Variants in TSHR observed in about 807,000 individuals in gnomAD.
The protein encoded by TSHR is thyrotropin receptor.
Under a neutral mutation model 64.1 loss-of-function variants are expected in TSHR, and 51 were observed. The ratio of observed to expected loss-of-function variants is 0.80; its 90% CI spans 0.64 to 1.01. TSHR has a LOEUF of 1.01. Ranked by LOEUF, TSHR falls within the 50% of genes least tolerant of loss-of-function variation. The pLI, the probability that TSHR is intolerant of heterozygous loss-of-function variation, is 0.00. For synonymous variants in TSHR, 361 were observed against 361.9 expected (o/e 1.00, Z 0.03); for missense variants, 877 against 942.8 (o/e 0.93, Z 0.91).
intron 3 of TSHR, among the ~76,000 whole-genome samples, chr14:81,078,213 T>C (rs376081780): frequency 3.3e-4 from 50 of 152,360 alleles, no homozygotes; most frequent in African/African-American, 1.1e-3. Context: ...ACTGTGGTTC[T>C]ACTGGCAGCA....
intron 9 of TSHR, among the ~76,000 whole-genome samples, chr14:81,141,363 G>C (rs733236): frequency 0.33 from 49,762 of 152,102 alleles, 8,593 homozygotes; most frequent in African/African-American, 0.45. Flanking sequence ...GACATTTTAA[G>C]CAGAACCCAA....
At chr14:81,033,234 C>A in intron 1 of TSHR, 1 of 472,996 alleles carries the variant, frequency 2.1e-6, no homozygotes, top group Non-Finnish European at 4.2e-6. Flanking sequence ...TCAGAAGGGG[C>A]CAGAGCATCC....
chr14:80,967,283 ATTTTTTT>A (rs35619720), intron 1 of TSHR, among the ~76,000 whole-genome samples: 3 of 111,870 alleles, frequency 2.7e-5, no homozygotes, highest in Non-Finnish European at 1.8e-5. Flanking sequence ...CCTGACTTAC[ATTTTTTT>A]TTTTTTTTTT....
At chr14:81,007,479 T>C (rs8008523) in intron 1 of TSHR, among the ~76,000 whole-genome samples, 16,216 of 152,150 alleles carry the variant, frequency 0.11, 2,822 homozygotes, top group African/African-American at 0.37. Flanking sequence ...TTCTCATTAA[T>C]AGACTGGGGT....
intron 1 of TSHR, chr14:80,982,110 G>A (rs1489763480): frequency 1.1e-5 from 6 of 556,282 alleles, no homozygotes; most frequent in Non-Finnish European, 1.7e-5. Context: ...CAATACCTGG[G>A]CCAAAGCAAA....
chr14:81,119,622 A>G (rs371570652), intron 8 of TSHR, among the ~76,000 whole-genome samples: 846 of 102,194 alleles, frequency 8.3e-3, no homozygotes, highest in East Asian at 0.014. Context: ...TCAGTGTGGC[A>G]ATTCCTCAGG....
At chr14:81,053,721 G>A (rs922466701) in intron 1 of TSHR, 4 of 152,134 alleles carry the variant, frequency 2.6e-5, no homozygotes, top group African/African-American at 9.7e-5. Context: ...ATTTACCCAA[G>A]AGCAATGAGT....
intron 1 of TSHR, among the ~76,000 whole-genome samples, chr14:81,056,114 C>A (rs543258524): frequency 6.6e-6 from 1 of 152,204 alleles, no homozygotes; most frequent in East Asian, 1.9e-4. Flanking sequence ...CTCATGAAAT[C>A]CGATGATTTT....
At chr14:81,104,329 G>C (rs764156457) in intron 7 of TSHR, 48 of 985,292 alleles carry the variant, frequency 4.9e-5, no homozygotes, top group Non-Finnish European at 5.5e-5. Flanking sequence ...GTTCCCATGA[G>C]AGTCTCACAA....
At chr14:81,141,965 T>C (rs1029869772) in intron 9 of TSHR, among the ~76,000 whole-genome samples, 1 of 152,200 alleles carries the variant, frequency 6.6e-6, no homozygotes, top group Non-Finnish European at 1.5e-5. Flanking sequence ...AATAACCCTA[T>C]ATGAAATAGT....
intron 2 of TSHR, among the ~76,000 whole-genome samples, chr14:81,063,077 C>A (rs1346916866): frequency 2.0e-5 from 3 of 152,106 alleles, no homozygotes; most frequent in Admixed American, 2.0e-4. Context: ...ATAGGACAGT[C>A]CCCACAACAG....
rs1889736681 is a variant in TSHR at position 81,103,919 on chromosome 14, C to G, written c.615-4456C>G. The stretch of plus-strand genomic sequence containing the variant: ...ACCATTTTGATATGCTAAGAGCCCA[C>G]CAATACACTAATTATTATGAACAGA... On this transcript the variant is annotated intron_variant, in intron 7 of 9. Coordinates refer to ENST00000298171, the MANE Select transcript of TSHR (RefSeq NM_000369.5). This position sits in a 1 kb window ranked among gnomAD's most constrained non-coding sequence, Gnocchi z 4.1. 1.0e-6 allele frequency: 1 copy of G among 985,362 alleles called. No individual in the cohort carries two copies. The highest frequency in any genetic ancestry group is 1.2e-6 in the Non-Finnish European group (1 of 829,908). The allele number at this position is 985,362 out of a possible 1,614,324, so 61.0% of individuals were successfully genotyped here.
At chr14:81,041,326 T>C (rs1884911938) in intron 1 of TSHR, among the ~76,000 whole-genome samples, 1 of 152,188 alleles carries the variant, frequency 6.6e-6, no homozygotes, top group South Asian at 2.1e-4. Flanking sequence ...CACCATGGAA[T>C]ACTATGCAGC....
intron 1 of TSHR, among the ~76,000 whole-genome samples, chr14:80,973,891 T>G (rs1283473741): frequency 6.6e-6 from 1 of 152,096 alleles, no homozygotes; most frequent in Non-Finnish European, 1.5e-5. Flanking sequence ...ACTTCTCAGT[T>G]ATTTTTCCCC....
chr14:80,985,944 A>G (rs1178701432), intron 1 of TSHR, among the ~76,000 whole-genome samples: 2 of 152,184 alleles, frequency 1.3e-5, no homozygotes, highest in East Asian at 3.8e-4. Flanking sequence ...TTCCTGTCAC[A>G]TGTGCTGACA....
chr14:80,995,807 A>T (rs536487271), intron 1 of TSHR: 2 of 150,688 alleles, frequency 1.3e-5, no homozygotes, highest in South Asian at 2.1e-4. Flanking sequence ...ACAAACCTGC[A>T]CTTGTACCCC....
chr14:81,008,162 A>G (rs560285898), intron 1 of TSHR, among the ~76,000 whole-genome samples: 2 of 138,452 alleles, frequency 1.4e-5, no homozygotes, highest in East Asian at 2.1e-4. Context: ...CTTGTAGACC[A>G]TTTTCTTTCT....
At chr14:81,131,541 A>C (rs114671638) in intron 8 of TSHR, among the ~76,000 whole-genome samples, 2 of 152,154 alleles carry the variant, frequency 1.3e-5, no homozygotes, top group South Asian at 4.1e-4. Flanking sequence ...CACATGTTCT[A>C]TGCCCTCACC....
rs117166147 is a variant in TSHR, at chr14:81,055,164, T to A, written c.171-6984T>A. 2.3e-3 allele frequency among the ~76,000 whole-genome samples: 346 copies of A among 152,228 alleles called. 8 individuals carry two copies. In the East Asian group the frequency reaches 0.031, roughly 14 times the overall value. ...AGGGGCCAAGATACAGCTCAGACCA[T>A]GGCTTCAGAGGATGCAAGCCCCAAG... On this transcript the variant is annotated intron_variant, in intron 1 of 9. Coordinates refer to ENST00000298171, the MANE Select transcript of TSHR (RefSeq NM_000369.5).
Sources: allele counts gnomAD v4.1 joint callset (sites outside exome capture counted in the v4.1 genomes callset), GRCh38; gene constraint gnomAD v4.1.1; non-coding constraint Gnocchi (gnomAD v3.1); transcripts MANE v1.5; gene names NCBI Gene and HGNC (gene_info 2026-07-23, HGNC 2026-07-21).